The following PRAG1 variants were observed in gnomAD, a reference collection of about 807,000 sequenced individuals.
The protein encoded by PRAG1 is PEAK1 related, kinase-activating pseudokinase 1, also known as inactive tyrosine-protein kinase PRAG1.
A neutral mutation model predicts 95.6 loss-of-function variants in PRAG1; 110 were observed. The observed-to-expected ratio is 1.15, with a 90% confidence interval of 0.99 to 1.35. PRAG1 has a LOEUF of 1.35. Ranked by LOEUF, PRAG1 falls within the 40% of genes most tolerant of loss-of-function variation. The pLI is 0.00. For missense variants in PRAG1, 2,554 were observed against 1,864.7 expected, an observed-to-expected ratio of 1.37 and a Z score of -6.81; for synonymous variants, 1,052 against 819.4, an observed-to-expected ratio of 1.28 and a Z score of -4.85.
Position 8,328,321 on chromosome 8 carries a change from C to G in PRAG1, c.2461G>C (p.Val821Leu), listed in dbSNP as rs1798711171. ...QPPPLPQKKI[V>L]SRAASSPDGF... ...TCCGGTGAAGAGGCTGCCCGGCTCA[C>G]TATCTTTTTCTGGGGGAGTGGAGGG... The change falls in exon 5 of 6, where the codon GTG (valine) becomes CTG (leucine). Residue 821 changes from valine (V) to leucine (L), a missense_variant. Val to Leu is a conservative substitution (Grantham distance 32). Transcript: ENST00000615670. 6.2e-7 allele frequency: 1 copy of G among 1,613,608 alleles called. No individual in the cohort carries two copies.
chr8:8,327,558 A>T, intron 5 of PRAG1, 152 bp downstream of exon 5: 1 of 909,072 alleles, frequency 1.1e-6, no homozygotes. Flanking sequence ...CAACAAAGTG[A>T]GACTCTTATC....
At position 8,317,985 on chromosome 8, in the gene PRAG1, T is replaced by C. The variant is rs1798330150; in HGVS notation, c.*169A>G. 2.1e-6 allele frequency: 1 copy of C among 469,716 alleles called. No homozygotes were observed. Among genetic ancestry groups the C allele is most frequent in the Non-Finnish European group, 3.4e-6 (1 of 298,056 alleles). 29.1% of individuals were successfully genotyped at this position (469,716 alleles called of 1,614,324 possible). A position where few individuals can be genotyped will look rare whatever the true frequency, so the allele number is the denominator to read the frequency against. Reference sequence around the variant, plus strand: ...GGACGGGCAACAGCATCCTTAGTCTTTCATATTTATATATGGTATATGTAT... The same window carrying C: ...GGACGGGCAACAGCATCCTTAGTCTCTCATATTTATATATGGTATATGTAT... On this transcript the variant is annotated 3_prime_UTR_variant, in exon 6 of 6. Transcript: ENST00000615670.
At chr8:8,344,593 A>G (rs1223743596) in intron 3 of PRAG1, among the ~76,000 whole-genome samples, 1 of 152,244 alleles carries the variant, frequency 6.6e-6, no homozygotes, top group African/African-American at 2.4e-5. Context: ...AGCAAATGGC[A>G]AAATGTTAAT....
intron 3 of PRAG1, among the ~76,000 whole-genome samples, chr8:8,341,926 A>T (rs982869359): frequency 1.3e-5 from 2 of 152,098 alleles, no homozygotes; most frequent in Non-Finnish European, 2.9e-5. Flanking sequence ...TGAGGTAGGG[A>T]GTTCGAGACC....
chr8:8,318,465 C>T lies in PRAG1; in HGVS notation c.3910G>A (p.Ala1304Thr). Residue 1304 changes from alanine (A) to threonine (T), a missense_variant, in exon 6 of 6, where the codon GCA (alanine) becomes ACA (threonine). Transcript: ENST00000615670. The surrounding 1 kb of genome is among the most constrained non-coding windows in gnomAD (Gnocchi z 4.2). The part of the protein sequence containing the change: ...SLYSPGLQQL[A>T]HLLLEADPIK... ...GGGTCGGCCTCCAGTAGCAGATGTG[C>T]CAGCTGCTGCAGGCCGGGTGAGTAG... 6.2e-7 allele frequency: 1 copy of T among 1,612,204 alleles called. No homozygotes were observed.
intron 3 of PRAG1, 104 bp downstream of exon 3, chr8:8,376,143 C>T: frequency 1.4e-6 from 2 of 1,467,346 alleles, no homozygotes; most frequent in Non-Finnish European, 1.8e-6. Flanking sequence ...GGCCTTTGGG[C>T]AGATTCTGGG....
chr8:8,361,312 T>C (rs747163370), intron 3 of PRAG1, among the ~76,000 whole-genome samples: 1 of 152,194 alleles, frequency 6.6e-6, no homozygotes, highest in Non-Finnish European at 1.5e-5. Flanking sequence ...ATATTTAGAA[T>C]GCCCAGATTC....
At chr8:8,337,487 AAAGAG>A (rs1229465881) in intron 4 of PRAG1, among the ~76,000 whole-genome samples, 2 of 152,066 alleles carry the variant, frequency 1.3e-5, no homozygotes, top group Non-Finnish European at 2.9e-5. Flanking sequence ...AGAGAGAGAG[AAAGAG>A]AGAGAGAGAG....
At chr8:8,385,268 G>C (rs1250272629) in intron 1 of PRAG1, among the ~76,000 whole-genome samples, 1 of 152,158 alleles carries the variant, frequency 6.6e-6, no homozygotes, top group Non-Finnish European at 1.5e-5. Context: ...AGGAGAAAGT[G>C]ACAACTTTAC....
At chr8:8,369,190 CTT>C (rs201548316) in intron 3 of PRAG1, among the ~76,000 whole-genome samples, 5 of 141,644 alleles carry the variant, frequency 3.5e-5, no homozygotes, top group Non-Finnish European at 4.7e-5. Flanking sequence ...CTCTGGCTTG[CTT>C]TTTTTTTTTT....
chr8:8,319,047 T>C lies in PRAG1; in HGVS notation c.3328A>G (p.Ser1110Gly). 6.2e-7 allele frequency: 1 copy of C among 1,612,742 alleles called. No individual in the cohort carries two copies. The highest frequency in any genetic ancestry group is 8.5e-7 in the Non-Finnish European group (1 of 1,179,792). Residue 1110 changes from serine (S) to glycine (G), a missense_variant, in exon 6 of 6, where the codon AGC becomes GGC. By Grantham distance (56) the Ser-to-Gly change is moderately conservative (BLOSUM62 0). Transcript: ENST00000615670. Reference sequence around the variant, plus strand: ...TACGCCTCGGGCTCCGCCTGGTGGCTGGCCGCCGAGTCCCGCACGAAGTCG... The same window carrying C: ...TACGCCTCGGGCTCCGCCTGGTGGCCGGCCGCCGAGTCCCGCACGAAGTCG... ...ASDFVRDSAA[S>G]HQAEPEAYER... is the part of the protein sequence containing the mutation.
chr8:8,339,272 T>C lies in PRAG1; in HGVS notation c.2320+206A>G, dbSNP rs1050605541. On this transcript the variant is annotated intron_variant, in intron 4 of 5. Transcript: ENST00000615670. ...GTTGCCACGTCCACACTCTTATAATTTGGAGAGGGCAATATGGATGGGCTG... is the reference window on the plus strand; with the variant it reads ...GTTGCCACGTCCACACTCTTATAATCTGGAGAGGGCAATATGGATGGGCTG... Among the ~76,000 whole-genome samples, 3 of 152,306 alleles carry C rather than the reference T, an allele frequency of 2.0e-5. No homozygotes were observed. The East Asian group carries it at 5.8e-4, about 29-fold the overall frequency.
chr8:8,328,266 T>C lies in PRAG1; in HGVS notation c.2516A>G (p.Lys839Arg). 1.2e-6 allele frequency: 2 copies of C among 1,614,082 alleles called. No homozygotes were observed. Among genetic ancestry groups the C allele is most frequent in the Admixed American group, 1.7e-5 (1 of 60,026 alleles). The change falls in exon 5 of 6, where the codon AAG (lysine) becomes AGG (arginine). Residue 839 changes from lysine (K) to arginine (R), a missense_variant. Transcript: ENST00000615670. ...DGFFWTQGSP[K>R]PGTASPKLNL... Reference sequence around the variant, plus strand: ...CAGCTTGGGGCTTGCTGTTCCGGGCTTGGGGGAGCCTTGGGTCCAGAAGAA... The same window carrying C: ...CAGCTTGGGGCTTGCTGTTCCGGGCCTGGGGGAGCCTTGGGTCCAGAAGAA...
chr8:8,375,566 C>A (rs1454388878), intron 3 of PRAG1, among the ~76,000 whole-genome samples: 1 of 152,132 alleles, frequency 6.6e-6, no homozygotes, highest in Non-Finnish European at 1.5e-5. Context: ...CTCTTTTCTG[C>A]TTTTGGCCCC....
At chr8:8,339,758 GAA>G (rs11325094) in intron 3 of PRAG1, 123 bp from the exon 4 acceptor site, 20 of 810,820 alleles carry the variant, frequency 2.5e-5, no homozygotes, top group African/African-American at 8.8e-5. Context: ...TTTATTAAAA[GAA>G]AAAAAAAAGA....
intron 1 of PRAG1, among the ~76,000 whole-genome samples, chr8:8,382,234 C>A (rs935988786): frequency 6.6e-6 from 1 of 152,112 alleles, no homozygotes; most frequent in African/African-American, 2.4e-5. Context: ...GGGACGCTGA[C>A]CCACAGAAAC....
At chr8:8,364,578 G>C (rs1799943942) in intron 3 of PRAG1, among the ~76,000 whole-genome samples, 1 of 151,648 alleles carries the variant, frequency 6.6e-6, no homozygotes, top group African/African-American at 2.4e-5. Flanking sequence ...TTTGCTTTTT[G>C]GTCTTATTTT....
Position 8,332,846 on chromosome 8 carries a change from C to A in PRAG1, c.2321-4385G>T, listed in dbSNP as rs182915051. Among the ~76,000 whole-genome samples the A allele has an allele frequency of 1.7e-3, 253 of 152,330 alleles. 1 individual carries two copies. The highest frequency in any genetic ancestry group is 2.8e-3 in the Non-Finnish European group (189 of 68,030). ...ATTCTCTTGACTCTTACCTGGGGAACTATCTCTCCATAAACATGGCCTTAG... is the reference window on the plus strand; with the variant it reads ...ATTCTCTTGACTCTTACCTGGGGAAATATCTCTCCATAAACATGGCCTTAG... On this transcript the variant is annotated intron_variant, in intron 4 of 5. Coordinates refer to ENST00000615670, the MANE Select transcript of PRAG1 (RefSeq NM_001080826.3).
intron 3 of PRAG1, among the ~76,000 whole-genome samples, chr8:8,368,892 A>C (rs867358411): frequency 2.0e-4 from 30 of 150,780 alleles, no homozygotes; most frequent in Middle Eastern, 3.4e-3. Flanking sequence ...TTGGCAAGAG[A>C]GTGCTGGCTC....
Sources: allele counts gnomAD v4.1 joint callset (sites outside exome capture counted in the v4.1 genomes callset), GRCh38; gene constraint gnomAD v4.1.1; non-coding constraint Gnocchi (gnomAD v3.1); transcripts MANE v1.5; gene names NCBI Gene and HGNC (gene_info 2026-07-23, HGNC 2026-07-21).